Variants in ITPR1 observed in about 807,000 individuals in gnomAD.
ITPR1 encodes the protein inositol 1,4,5-trisphosphate receptor type 1, also known as inositol 1,4,5-trisphosphate-gated calcium channel ITPR1.
In ITPR1, 96 loss-of-function variants were observed where a neutral mutation model predicts 318.4. That is an observed-to-expected ratio of 0.30 (90% CI 0.26 to 0.36). ITPR1 has a LOEUF of 0.36. Ranked by LOEUF, ITPR1 falls within the 10% of genes least tolerant of loss-of-function variation. The probability of loss-of-function intolerance (pLI) is 1.00; values close to 1 mark genes in which losing one functional copy is unlikely to be tolerated. For synonymous variants in ITPR1, 1,312 were observed against 1,289.9 expected (o/e 1.02, Z -0.37); for missense variants, 2,440 against 3,460.2 (o/e 0.71, Z 7.40).
rs1336786545 is a variant in ITPR1 at position 4,846,505 on chromosome 3, T to G, written c.*280T>G. 1 of 259,542 alleles carries G rather than the reference T, an allele frequency of 3.9e-6. No homozygotes were observed. Among genetic ancestry groups the G allele is most frequent in the Non-Finnish European group, 7.3e-6 (1 of 137,578 alleles). The allele number at this position is 259,542 out of a possible 1,614,324, so 16.1% of individuals were successfully genotyped here. ...GCACCTGATTTGCACTTGAACCAGA[T>G]TATAGATTTAAAAGTATATGACATG... On this transcript the variant is annotated 3_prime_UTR_variant, in exon 62 of 62. Transcript: ENST00000649015.
intron 36 of ITPR1, among the ~76,000 whole-genome samples, chr3:4,705,099 G>C (rs909365307): frequency 6.6e-6 from 1 of 152,022 alleles, no homozygotes; most frequent in African/African-American, 2.4e-5. Flanking sequence ...TGTTGGAGTT[G>C]TTTTTACAAT....
chr3:4,532,963 G>A (rs915769850), intron 4 of ITPR1, among the ~76,000 whole-genome samples: 3 of 152,350 alleles, frequency 2.0e-5, no homozygotes, highest in Non-Finnish European at 4.4e-5. Context: ...TTTGCAGAGG[G>A]AATTTCTGCT....
rs528804479 is a variant in ITPR1 at position 4,762,041 on chromosome 3, C to T, written c.5545-4489C>T. Among the ~76,000 whole-genome samples the T allele has an allele frequency of 1.0e-4, 14 of 138,504 alleles. No homozygotes were observed. In the South Asian group the frequency reaches 2.6e-3, roughly 26 times the overall value. 90.9% of individuals were successfully genotyped at this position (138,504 alleles called of 152,430 possible). A position where few individuals can be genotyped will look rare whatever the true frequency, so the allele number is the denominator to read the frequency against. On this transcript the variant is annotated intron_variant, in intron 44 of 61. Transcript: ENST00000649015. The stretch of plus-strand genomic sequence containing the variant: ...TCTGCCTCCCTTCGCTCCAAGGGCA[C>T]GCCCCTTCTAAGAAGAAGTATGTTA...
intron 39 of ITPR1, among the ~76,000 whole-genome samples, 161 bp downstream of exon 39, chr3:4,712,029 G>A (rs2041409594): frequency 6.6e-6 from 1 of 152,172 alleles, no homozygotes; most frequent in Non-Finnish European, 1.5e-5. Context: ...TGCCGTTAAA[G>A]GGAGCTAAAT....
At chr3:4,695,069 G>GT (rs1228003766) in intron 33 of ITPR1, among the ~76,000 whole-genome samples, 2 of 152,142 alleles carry the variant, frequency 1.3e-5, no homozygotes. Flanking sequence ...GATGCCAGAT[G>GT]TTTTTTTACA....
intron 40 of ITPR1, among the ~76,000 whole-genome samples, chr3:4,722,754 G>GCA (rs2125302220): frequency 1.2e-5 from 1 of 82,950 alleles, no homozygotes; most frequent in South Asian, 2.6e-4. Flanking sequence ...CCTGGCCCAT[G>GCA]GGTTGGATTA....
chr3:4,658,335 C>A, intron 13 of ITPR1, 57 bp downstream of exon 13: 2 of 1,437,964 alleles, frequency 1.4e-6, no homozygotes, highest in Non-Finnish European at 1.9e-6. Flanking sequence ...GGTGGCCTGA[C>A]CAGGTTTCTT....
Position 4,652,293 on chromosome 3 carries a change from G to A in ITPR1, c.951+75G>A, listed in dbSNP as rs28562557. On this transcript the variant is annotated intron_variant, in intron 11 of 61. Coordinates refer to ENST00000649015, the MANE Select transcript of ITPR1 (RefSeq NM_001378452.1). Reference sequence around the variant, plus strand: ...CGCCTTTCCTCATTCGCCTGTAGCCGTCGTGTTGTAAAAGGCTTAGGGAAA... The same window carrying A: ...CGCCTTTCCTCATTCGCCTGTAGCCATCGTGTTGTAAAAGGCTTAGGGAAA... 141,328 of 1,044,646 alleles carry A rather than the reference G, an allele frequency of 0.14. 11,063 individuals carry two copies. Among genetic ancestry groups the A allele is most frequent in the African/African-American group, 0.23 (14,637 of 63,114 alleles). 64.7% of individuals were successfully genotyped at this position (1,044,646 alleles called of 1,614,324 possible).
chr3:4,517,890 C>T (rs1380300951), intron 3 of ITPR1, among the ~76,000 whole-genome samples: 1 of 152,322 alleles, frequency 6.6e-6, no homozygotes, highest in East Asian at 1.9e-4. Context: ...ATGAAAAGCA[C>T]TAAATGAGCC....
intron 12 of ITPR1, among the ~76,000 whole-genome samples, chr3:4,654,438 C>G (rs1243530190): frequency 2.0e-5 from 3 of 152,182 alleles, no homozygotes; most frequent in African/African-American, 7.2e-5. Context: ...TGCAAAATGG[C>G]TCTTTCTCTG....
chr3:4,739,849 T>C (rs1031572284), intron 44 of ITPR1, among the ~76,000 whole-genome samples: 2 of 152,188 alleles, frequency 1.3e-5, no homozygotes, highest in Non-Finnish European at 2.9e-5. Context: ...CTCATATGAC[T>C]GTGGCCATTG....
chr3:4,717,605 A>G (rs1445492138), intron 40 of ITPR1, among the ~76,000 whole-genome samples: 4 of 152,132 alleles, frequency 2.6e-5, no homozygotes, highest in Admixed American at 2.0e-4. Context: ...TGGAGATCTC[A>G]TCTGAGTCTA....
intron 4 of ITPR1, among the ~76,000 whole-genome samples, chr3:4,547,595 A>G (rs1212678921): frequency 6.6e-6 from 1 of 152,246 alleles, no homozygotes; most frequent in East Asian, 1.9e-4. Flanking sequence ...TGGCTTTACC[A>G]TTTATTACAC....
In ITPR1 at chr3:4,540,640, T is replaced by C. The variant is rs1194942214; in HGVS notation, c.163+19546T>C. On this transcript the variant is annotated intron_variant, in intron 4 of 61. Coordinates refer to ENST00000649015, the MANE Select transcript of ITPR1 (RefSeq NM_001378452.1). ...TCTCACTCTGTCACACAGGCTGGAG[T>C]ACAGTGGCTTGATCTCGGCTTGCTG... is the stretch of plus-strand genomic sequence containing the variant. 2.0e-5 allele frequency among the ~76,000 whole-genome samples: 3 copies of C among 152,178 alleles called. No homozygotes were observed. In the East Asian group the frequency reaches 5.8e-4, roughly 29 times the overall value.
At chr3:4,602,890 G>C (rs528782675) in intron 4 of ITPR1, among the ~76,000 whole-genome samples, 1 of 151,630 alleles carries the variant, frequency 6.6e-6, no homozygotes, top group South Asian at 2.1e-4. Flanking sequence ...GGATGTTTTT[G>C]TGGGGGATAA....
chr3:4,840,945 G>A lies in ITPR1; in HGVS notation c.8190+4010G>A, dbSNP rs13068926. Among the ~76,000 whole-genome samples, 1,303 of 152,362 alleles carry A rather than the reference G, an allele frequency of 8.6e-3. 10 individuals carry two copies. The highest frequency in any genetic ancestry group is 0.014 in the Non-Finnish European group (930 of 68,030). ...TTTGCTGTTGCTAGGAATACAAGAA[G>A]TGCTTGAAAATTCAGATCACATTAG... is the stretch of plus-strand genomic sequence containing the variant. On this transcript the variant is annotated intron_variant, in intron 61 of 61. Transcript: ENST00000649015.
intron 4 of ITPR1, among the ~76,000 whole-genome samples, chr3:4,548,676 G>A (rs2085263992): frequency 6.6e-6 from 1 of 152,148 alleles, no homozygotes; most frequent in African/African-American, 2.4e-5. Context: ...GGATGTCTCA[G>A]TCAAGTCAGG....
chr3:4,710,357 G>A lies in ITPR1; in HGVS notation c.4875G>A (p.Arg1625=). Residue 1625 remains arginine, a synonymous_variant, in exon 38 of 62, where the codon AGG becomes AGA. Coordinates refer to ENST00000649015, the MANE Select transcript of ITPR1 (RefSeq NM_001378452.1). This position sits in a 1 kb window ranked among gnomAD's most constrained non-coding sequence, Gnocchi z 4.2. ...TCTCCGCGCTGGAGGACCGTCTCAG[G>A]CCCCTGGTGCAGGCAGAGTTATCTG... ...DIVSALEDRL[R]PLVQAELSVL... The A allele has an allele frequency of 6.4e-7, 1 of 1,569,326 alleles. No individual in the cohort carries two copies. Among genetic ancestry groups the A allele is most frequent in the Non-Finnish European group, 8.7e-7 (1 of 1,155,722 alleles).
At chr3:4,844,326 G>A (rs553632091) in intron 61 of ITPR1, among the ~76,000 whole-genome samples, 5 of 152,010 alleles carry the variant, frequency 3.3e-5, no homozygotes, top group East Asian at 1.9e-4. Context: ...GTTTTGCTAC[G>A]TTGCCCAGGC....
Sources: allele counts gnomAD v4.1 joint callset (sites outside exome capture counted in the v4.1 genomes callset), GRCh38; gene constraint gnomAD v4.1.1; non-coding constraint Gnocchi (gnomAD v3.1); transcripts MANE v1.5; gene names NCBI Gene and HGNC (gene_info 2026-07-23, HGNC 2026-07-21).